Variants in FREM2 observed in about 807,000 individuals in gnomAD.
FREM2 encodes the protein FRAS1-related extracellular matrix protein 2.
Under a neutral mutation model 219.9 loss-of-function variants are expected in FREM2, and 119 were observed. The observed-to-expected ratio is 0.54, with a 90% confidence interval of 0.47 to 0.63. The LOEUF (loss-of-function observed/expected upper bound fraction) is 0.63. Ranked by LOEUF, FREM2 falls within the 30% of genes least tolerant of loss-of-function variation. FREM2 has a pLI of 0.00. For synonymous variants in FREM2, 1,562 were observed against 1,522.8 expected, an observed-to-expected ratio of 1.03 and a Z score of -0.60; for missense variants, 4,030 against 3,993.6, an observed-to-expected ratio of 1.01 and a Z score of -0.25.
intron 4 of FREM2, among the ~76,000 whole-genome samples, chr13:38,775,880 A>G (rs1413443732): frequency 6.6e-6 from 1 of 152,164 alleles, no homozygotes; most frequent in Non-Finnish European, 1.5e-5. Flanking sequence ...TGGCCTCCCA[A>G]AGTGCTGGGA....
intron 1 of FREM2, among the ~76,000 whole-genome samples, chr13:38,694,919 T>G (rs1870042495): frequency 6.6e-6 from 1 of 152,194 alleles, no homozygotes; most frequent in Admixed American, 6.5e-5. Context: ...TAAGCCAGTT[T>G]CAGGAAAGCA....
At chr13:38,739,317 G>T (rs753916811) in intron 2 of FREM2, among the ~76,000 whole-genome samples, 4 of 152,144 alleles carry the variant, frequency 2.6e-5, no homozygotes, top group Non-Finnish European at 5.9e-5. Context: ...TTGTTTGGTG[G>T]CCTTGATAAA....
At chr13:38,831,399 T>C (rs1291782989) in intron 6 of FREM2, among the ~76,000 whole-genome samples, 1 of 152,148 alleles carries the variant, frequency 6.6e-6, no homozygotes, top group Non-Finnish European at 1.5e-5. Flanking sequence ...GAATCTCTGA[T>C]ATCATTATCT....
At chr13:38,842,359 G>A (rs1158900812) in intron 6 of FREM2, among the ~76,000 whole-genome samples, 1 of 152,118 alleles carries the variant, frequency 6.6e-6, no homozygotes, top group Admixed American at 6.6e-5. Flanking sequence ...AAACTCAAAT[G>A]GAAGGTGTTA....
intron 6 of FREM2, among the ~76,000 whole-genome samples, chr13:38,832,631 C>T (rs1200684953): frequency 1.3e-5 from 2 of 152,036 alleles, no homozygotes. Flanking sequence ...TAAAAAATTT[C>T]ATTGCAGAAA....
rs1171070058 is a variant in FREM2, at chr13:38,848,483, C to T, written c.6192C>T (p.Ile2064=). The T allele has an allele frequency of 1.2e-6, 2 of 1,613,564 alleles. No individual in the cohort carries two copies. The highest frequency in any genetic ancestry group is 1.7e-5 in the Admixed American group (1 of 60,004). ...TAGCTGGAACAGACTATGTGGGCAT[C>T]AGCCGTAATTTAGATTTTGCACCTG... ...SADAGTDYVG[I]SRNLDFAPGV... Residue 2064 remains isoleucine, a synonymous_variant, in exon 8 of 24, where the codon ATC becomes ATT. Transcript: ENST00000280481.
chr13:38,788,164 T>C (rs1050900605), intron 6 of FREM2, among the ~76,000 whole-genome samples: 152 of 152,210 alleles, frequency 1.0e-3, no homozygotes, highest in Non-Finnish European at 2.0e-3. Flanking sequence ...TAAACCCAGT[T>C]TACAGCTCTT....
At chr13:38,783,283 GA>G in intron 5 of FREM2, 88 bp downstream of exon 5, 1 of 1,339,924 alleles carries the variant, frequency 7.5e-7, no homozygotes, top group Non-Finnish European at 1.1e-6. Context: ...ATTTTACCAT[GA>G]GGGGTATACT....
At chr13:38,810,125 GT>G (rs1377485815) in intron 6 of FREM2, among the ~76,000 whole-genome samples, 3 of 151,682 alleles carry the variant, frequency 2.0e-5, no homozygotes, top group African/African-American at 7.3e-5. Context: ...TTTTCAGATT[GT>G]TCAACTTGAC....
intron 2 of FREM2, among the ~76,000 whole-genome samples, chr13:38,711,289 TA>T (rs913373515): frequency 4.6e-5 from 7 of 152,190 alleles, no homozygotes; most frequent in Admixed American, 3.3e-4. Flanking sequence ...GAGAGTCAGT[TA>T]AATGACAATT....
Position 38,692,424 on chromosome 13 carries a change from A to T in FREM2, c.5080A>T (p.Ile1694Phe). The change falls in exon 1 of 24, where the codon ATT becomes TTT. Residue 1694 changes from isoleucine (I) to phenylalanine (F), a missense_variant. Transcript: ENST00000280481. ...LKVEDRDSLH[I>F]SLRFIVTEAP... ...AGTGGAGGACAGAGACAGCTTACAC[A>T]TTTCTCTTAGATTTATCGTGACAGA... 1.9e-6 allele frequency: 3 copies of T among 1,613,740 alleles called. No individual in the cohort carries two copies. Among genetic ancestry groups the T allele is most frequent in the Non-Finnish European group, 2.5e-6 (3 of 1,179,882 alleles).
intron 3 of FREM2, among the ~76,000 whole-genome samples, chr13:38,764,844 G>A (rs9603419): frequency 0.16 from 23,835 of 152,160 alleles, 2,121 homozygotes; most frequent in East Asian, 0.41. Context: ...GCTTTACTTC[G>A]TTTAAATAAA....
intron 6 of FREM2, among the ~76,000 whole-genome samples, chr13:38,836,878 A>G (rs755849674): frequency 2.0e-5 from 3 of 151,918 alleles, no homozygotes; most frequent in Non-Finnish European, 4.4e-5. Flanking sequence ...TATTTTGTTA[A>G]TATTTTCCAA....
intron 6 of FREM2, among the ~76,000 whole-genome samples, chr13:38,790,233 C>T (rs1036596967): frequency 6.6e-6 from 1 of 152,132 alleles, no homozygotes; most frequent in Admixed American, 6.5e-5. Context: ...CACACATCTC[C>T]TCTGGTATCC....
At position 38,848,804 on chromosome 13, in the gene FREM2, G is replaced by A. The variant is rs76688601; in HGVS notation, c.6379+134G>A. 2,407 of 812,514 alleles carry A rather than the reference G, an allele frequency of 3.0e-3. 50 individuals carry two copies. In the African/African-American group the frequency reaches 0.036, roughly 12 times the overall value. 50.3% of individuals were successfully genotyped at this position (812,514 alleles called of 1,614,324 possible). A position where few individuals can be genotyped will look rare whatever the true frequency, so the allele number is the denominator to read the frequency against. On this transcript the variant is annotated intron_variant, in intron 8 of 23. Transcript: ENST00000280481. ...GCTTCCATAACAAAGTAGCACTGTCGGGGTGGCTTAAATAACAGAAATTTA... is the reference window on the plus strand; with the variant it reads ...GCTTCCATAACAAAGTAGCACTGTCAGGGTGGCTTAAATAACAGAAATTTA...
At chr13:38,855,365 C>T (rs1877515931) in intron 11 of FREM2, among the ~76,000 whole-genome samples, 1 of 151,928 alleles carries the variant, frequency 6.6e-6, no homozygotes. Context: ...AATGTAAATC[C>T]CATTCACACT....
At chr13:38,810,287 T>A (rs1249123711) in intron 6 of FREM2, among the ~76,000 whole-genome samples, 1 of 152,122 alleles carries the variant, frequency 6.6e-6, no homozygotes, top group Admixed American at 6.6e-5. Context: ...GATTTCTTTC[T>A]TTTCAATTTA....
chr13:38,771,756 T>C (rs914134150), intron 4 of FREM2, among the ~76,000 whole-genome samples: 13 of 152,338 alleles, frequency 8.5e-5, no homozygotes, highest in African/African-American at 3.1e-4. Context: ...TGGTATGCTC[T>C]GTGCCTTGTT....
In FREM2 at chr13:38,690,625, A is replaced by C. The variant is rs1186174367; in HGVS notation, c.3281A>C (p.Asp1094Ala). 1.2e-6 allele frequency: 2 copies of C among 1,613,968 alleles called. No homozygotes were observed. The highest frequency in any genetic ancestry group is 8.5e-7 in the Non-Finnish European group (1 of 1,180,008). The change falls in exon 1 of 24, where the codon GAT becomes GCT. Residue 1094 changes from aspartate to alanine, a missense_variant. Around this residue, in one of 2 missense-constraint regions of FREM2, gnomAD observed 3,102 missense variants for 2,950.7 expected, o/e 1.05. Transcript: ENST00000280481. ...VITSVHISAE[D>A]VDSLNDDILC... is the part of the protein sequence containing the mutation. ...ACATCAGTGCATATAAGTGCTGAAGATGTCGACTCCCTGAATGATGACATC... is the reference window on the plus strand; with the variant it reads ...ACATCAGTGCATATAAGTGCTGAAGCTGTCGACTCCCTGAATGATGACATC...
Sources: allele counts gnomAD v4.1 joint callset (sites outside exome capture counted in the v4.1 genomes callset), GRCh38; gene constraint gnomAD v4.1.1; regional missense constraint gnomAD v4.1.1; transcripts MANE v1.5; gene names NCBI Gene and HGNC (gene_info 2026-07-23, HGNC 2026-07-21).